The following KSR1 variants were observed in gnomAD, a reference collection of about 807,000 sequenced individuals.
KSR1 encodes kinase suppressor of ras.
A neutral mutation model predicts 92.9 loss-of-function variants in KSR1; 35 were observed. That is an observed-to-expected ratio of 0.38 (90% CI 0.29 to 0.50). KSR1 has a LOEUF of 0.50. KSR1 is among the 20% of genes least tolerant of loss of function. The pLI, the probability that KSR1 is intolerant of heterozygous loss-of-function variation, is 0.94. For synonymous variants in KSR1, 467 were observed against 472.6 expected (o/e 0.99, Z 0.15); for missense variants, 972 against 1,158.5 (o/e 0.84, Z 2.34).
chr17:27,542,250 A>G (rs973459189), intron 1 of KSR1, among the ~76,000 whole-genome samples: 1 of 152,228 alleles, frequency 6.6e-6, no homozygotes, highest in Non-Finnish European at 1.5e-5. Context: ...AGGTTGACAA[A>G]TGAGTATTGA....
intron 2 of KSR1, among the ~76,000 whole-genome samples, chr17:27,562,456 G>A (rs909505882): frequency 2.6e-5 from 4 of 152,210 alleles, no homozygotes; most frequent in African/African-American, 7.2e-5. Flanking sequence ...CCAGGGCTCC[G>A]AAACTGCCTC....
intron 4 of KSR1, chr17:27,583,867 C>T (rs916333106): frequency 2.9e-6 from 1 of 340,934 alleles, no homozygotes; most frequent in Non-Finnish European, 4.2e-6. Flanking sequence ...TGTGGCTTCT[C>T]AGGGTACGTG....
At chr17:27,531,866 A>T (rs2070551468) in intron 1 of KSR1, among the ~76,000 whole-genome samples, 1 of 152,190 alleles carries the variant, frequency 6.6e-6, no homozygotes, top group Non-Finnish European at 1.5e-5. Flanking sequence ...TTAGCATTTT[A>T]TACACTTCTC....
intron 1 of KSR1, among the ~76,000 whole-genome samples, chr17:27,536,915 G>C (rs2070772398): frequency 6.6e-6 from 1 of 152,246 alleles, no homozygotes; most frequent in African/African-American, 2.4e-5. Context: ...TAGACCTCTA[G>C]ATTGGAGGAG....
chr17:27,581,902 G>A (rs1270711470), intron 3 of KSR1, among the ~76,000 whole-genome samples: 2 of 152,200 alleles, frequency 1.3e-5, no homozygotes, highest in South Asian at 2.1e-4. Flanking sequence ...AGAAGGAAGT[G>A]GCTGTTGATC....
intron 1 of KSR1, among the ~76,000 whole-genome samples, chr17:27,483,167 G>A (rs1836143849): frequency 6.6e-6 from 1 of 152,104 alleles, no homozygotes; most frequent in African/African-American, 2.4e-5. Flanking sequence ...GAATGATGAG[G>A]GAGAAAATGG....
intron 2 of KSR1, among the ~76,000 whole-genome samples, chr17:27,576,590 T>C (rs2072515551): frequency 6.6e-6 from 1 of 152,084 alleles, no homozygotes; most frequent in Non-Finnish European, 1.5e-5. Flanking sequence ...AGATAGCTAC[T>C]AAGTGACAAA....
intron 5 of KSR1, chr17:27,585,938 C>T (rs2072950953): frequency 8.4e-6 from 4 of 474,350 alleles, no homozygotes; most frequent in Middle Eastern, 1.1e-3. Context: ...GCCCTGTCTC[C>T]ACCTTGCCCT....
intron 1 of KSR1, among the ~76,000 whole-genome samples, chr17:27,525,320 G>T (rs951378324): frequency 4.6e-5 from 7 of 152,236 alleles, no homozygotes; most frequent in African/African-American, 1.4e-4. Context: ...CCTTTTGTGG[G>T]TCTGTGCTGT....
At chr17:27,580,874 C>G (rs148563351) in intron 3 of KSR1, among the ~76,000 whole-genome samples, 47 of 152,272 alleles carry the variant, frequency 3.1e-4, no homozygotes, top group African/African-American at 1.1e-3. Flanking sequence ...TCAAGCGATT[C>G]TTGTGCCTCA....
chr17:27,544,944 T>C (rs1430113387), intron 1 of KSR1, among the ~76,000 whole-genome samples: 1 of 152,224 alleles, frequency 6.6e-6, no homozygotes, highest in Non-Finnish European at 1.5e-5. Context: ...CCATCCTTTG[T>C]CAACCAGAGA....
chr17:27,617,303 G>C lies in KSR1; in HGVS notation c.2502G>C (p.Leu834=). The C allele has an allele frequency of 1.2e-6, 2 of 1,606,384 alleles. No homozygotes were observed. The highest frequency in any genetic ancestry group is 1.3e-5 in the African/African-American group (1 of 74,828). The change falls in exon 19 of 21, where the codon CTG becomes CTC. Residue 834 remains leucine (L), a synonymous_variant. Transcript: ENST00000644974. The stretch of plus-strand genomic sequence containing the variant: ...GGCAGCTCCATTTGCAGGAGATCCT[G>C]TCGGCCTGCTGGGCTTTCGACCTGC... ...VSLGKEVSEI[L]SACWAFDLQE...
In KSR1 at chr17:27,601,404, G is replaced by A; in HGVS notation, c.1510+3G>A. 6.2e-7 allele frequency: 1 copy of A among 1,613,012 alleles called. No homozygotes were observed. Among genetic ancestry groups the A allele is most frequent in the East Asian group, 2.2e-5 (1 of 44,886 alleles). On this transcript the variant is annotated splice_donor_region_variant and intron_variant, in intron 11 of 20. Transcript: ENST00000644974. ...TAGACAGCAGTTTATCTTTCCAGGTGAGTCCTTTGCATGGTTCCATTAACT... is the reference window on the plus strand; with the variant it reads ...TAGACAGCAGTTTATCTTTCCAGGTAAGTCCTTTGCATGGTTCCATTAACT...
chr17:27,604,080 A>G (rs1416857156), intron 12 of KSR1, among the ~76,000 whole-genome samples, 192 bp downstream of exon 12: 1 of 152,030 alleles, frequency 6.6e-6, no homozygotes, highest in Non-Finnish European at 1.5e-5. Flanking sequence ...TGCGGTCAAC[A>G]TTGGGTGGGG....
intron 19 of KSR1, among the ~76,000 whole-genome samples, chr17:27,618,010 T>C (rs2074112566): frequency 6.6e-6 from 1 of 152,200 alleles, no homozygotes. Flanking sequence ...AGACCAGCAC[T>C]GATACCAGGC....
intron 2 of KSR1, chr17:27,566,554 C>T (rs772120843): frequency 5.0e-6 from 2 of 399,168 alleles, no homozygotes; most frequent in Non-Finnish European, 8.8e-6. Flanking sequence ...GTGAGCCCAC[C>T]TGGGCTGGAG....
chr17:27,526,897 C>T, intron 1 of KSR1: 1 of 639,834 alleles, frequency 1.6e-6, no homozygotes, highest in Non-Finnish European at 2.8e-6. Context: ...CTGGTGATCT[C>T]CTTCCCTAGG....
intron 18 of KSR1, 102 bp from the exon 19 acceptor site, chr17:27,617,193 G>A (rs573100336): frequency 7.5e-5 from 97 of 1,298,694 alleles, no homozygotes; most frequent in African/African-American, 5.5e-4. Context: ...CCAGTTAGAG[G>A]GCACTTGAGA....
chr17:27,597,541 G>T (rs2073390363), intron 10 of KSR1, 105 bp downstream of exon 10: 1 of 1,211,688 alleles, frequency 8.3e-7, no homozygotes, highest in African/African-American at 1.5e-5. Flanking sequence ...CCACAGCTAA[G>T]AGCTGATGTT....
Sources: gnomAD v4.1 joint callset for allele counts (sites outside exome capture counted in the v4.1 genomes callset) on GRCh38, gnomAD v4.1.1 for gene constraint, MANE v1.5 for transcripts, NCBI Gene and HGNC (gene_info 2026-07-23, HGNC 2026-07-21) for gene names.